SPAG16: variants seen among roughly 807,000 people sequenced by gnomAD.
The protein encoded by SPAG16 is sperm associated antigen 16, also known as sperm-associated antigen 16 protein.
Under a neutral mutation model 80.4 loss-of-function variants are expected in SPAG16, and 86 were observed. That is an observed-to-expected ratio of 1.07 (90% CI 0.90 to 1.28). The LOEUF (loss-of-function observed/expected upper bound fraction) is 1.28, where lower values mean the gene tolerates loss of function less well. Ranked by LOEUF, SPAG16 falls within the 50% of genes most tolerant of loss-of-function variation. The pLI is 0.00. For synonymous variants in SPAG16, 294 were observed against 265.9 expected (o/e 1.11, Z -1.03); for missense variants, 870 against 765.3 (o/e 1.14, Z -1.61).
intron 14 of SPAG16, among the ~76,000 whole-genome samples, chr2:214,137,843 A>T (rs1266191665): frequency 6.6e-6 from 1 of 152,178 alleles, no homozygotes; most frequent in South Asian, 2.1e-4. Context: ...CAATTACTAC[A>T]TCCACCAGTA....
intron 9 of SPAG16, chr2:213,422,135 C>T: frequency 4.3e-6 from 3 of 693,572 alleles, no homozygotes; most frequent in Non-Finnish European, 5.3e-6. Context: ...TGCCACTTTG[C>T]AGGTGATGAG....
intron 10 of SPAG16, among the ~76,000 whole-genome samples, chr2:213,704,109 C>T (rs1008131430): frequency 2.0e-5 from 3 of 152,126 alleles, no homozygotes; most frequent in Non-Finnish European, 2.9e-5. Flanking sequence ...ACTGGGCAGC[C>T]TTATCATCAG....
intron 10 of SPAG16, among the ~76,000 whole-genome samples, chr2:213,634,087 G>T (rs1159803415): frequency 2.0e-5 from 3 of 151,956 alleles, no homozygotes; most frequent in African/African-American, 7.2e-5. Flanking sequence ...GGGTTGTTTT[G>T]TGGTCTTCTC....
chr2:213,784,768 G>T (rs901148617), intron 10 of SPAG16, among the ~76,000 whole-genome samples: 1 of 151,660 alleles, frequency 6.6e-6, no homozygotes, highest in Non-Finnish European at 1.5e-5. Context: ...CCATTGTACT[G>T]GAAACTTGTG....
chr2:213,403,736 G>T (rs568024388), intron 9 of SPAG16, among the ~76,000 whole-genome samples: 1 of 152,134 alleles, frequency 6.6e-6, no homozygotes, highest in Non-Finnish European at 1.5e-5. Flanking sequence ...GAAATAAAGC[G>T]TATTCAATTA....
intron 15 of SPAG16, among the ~76,000 whole-genome samples, chr2:214,286,293 C>G (rs1693353642): frequency 6.6e-6 from 1 of 152,094 alleles, no homozygotes; most frequent in Non-Finnish European, 1.5e-5. Flanking sequence ...GTATTGTGTA[C>G]TTGAAATTTG....
chr2:214,304,162 A>G (rs1025586029), intron 15 of SPAG16, among the ~76,000 whole-genome samples: 3 of 152,202 alleles, frequency 2.0e-5, no homozygotes, highest in African/African-American at 7.2e-5. Flanking sequence ...CTCCAGCTTA[A>G]CACATATCCC....
chr2:213,672,391 A>T (rs890327538), intron 10 of SPAG16, among the ~76,000 whole-genome samples: 17 of 146,412 alleles, frequency 1.2e-4, no homozygotes, highest in Non-Finnish European at 1.5e-4. Context: ...CCCTATTTCT[A>T]TCCTTCCTTT....
chr2:213,351,184 A>C (rs897922920), intron 7 of SPAG16, among the ~76,000 whole-genome samples: 14 of 152,212 alleles, frequency 9.2e-5, no homozygotes, highest in African/African-American at 3.4e-4. Context: ...TGAGACATAA[A>C]TTTATAGCAG....
chr2:213,337,741 A>G (rs1476339680), intron 5 of SPAG16, among the ~76,000 whole-genome samples: 2 of 152,178 alleles, frequency 1.3e-5, no homozygotes, highest in East Asian at 3.8e-4. Context: ...AACCAAACCT[A>G]TGACTGATAG....
chr2:214,015,337 G>A (rs10186607), intron 13 of SPAG16, among the ~76,000 whole-genome samples: 57,575 of 151,908 alleles, frequency 0.38, 11,537 homozygotes, highest in South Asian at 0.69. Flanking sequence ...AGTGGCTCAC[G>A]CCTGTAATCC....
At chr2:213,380,479 G>A (rs2067114060) in intron 9 of SPAG16, among the ~76,000 whole-genome samples, 2 of 152,162 alleles carry the variant, frequency 1.3e-5, no homozygotes, top group Non-Finnish European at 2.9e-5. Flanking sequence ...TAACTTACTT[G>A]TGCCTTCGGG....
At chr2:213,750,068 T>C (rs2068012290) in intron 10 of SPAG16, among the ~76,000 whole-genome samples, 1 of 152,230 alleles carries the variant, frequency 6.6e-6, no homozygotes, top group Non-Finnish European at 1.5e-5. Flanking sequence ...GGAGTACTTA[T>C]TGTATCCTGG....
At chr2:213,480,669 A>G (rs1181527768) in intron 9 of SPAG16, among the ~76,000 whole-genome samples, 1 of 152,192 alleles carries the variant, frequency 6.6e-6, no homozygotes, top group African/African-American at 2.4e-5. Flanking sequence ...GTGTCATCAT[A>G]TGGCACACAC....
chr2:214,143,784 C>A (rs2055492068), intron 14 of SPAG16, among the ~76,000 whole-genome samples: 1 of 152,132 alleles, frequency 6.6e-6, no homozygotes, highest in Admixed American at 6.6e-5. Flanking sequence ...TAAATGGAAA[C>A]TTCTTTGAGA....
Position 213,837,887 on chromosome 2 carries a change from T to A in SPAG16, c.1071-24598T>A, listed in dbSNP as rs546939034. ...GAGCCAGAGAGAAACTGGAAGAAGA[T>A]GCTATGCCACTGGCTTTGAAGATGA... On this transcript the variant is annotated intron_variant, in intron 10 of 15. Coordinates refer to ENST00000331683, the MANE Select transcript of SPAG16 (RefSeq NM_024532.5). Among the ~76,000 whole-genome samples the A allele has an allele frequency of 2.6e-5, 4 of 152,220 alleles. No homozygotes were observed. In the South Asian group the frequency reaches 8.3e-4, roughly 32 times the overall value.
At chr2:213,572,816 G>T (rs1351219585) in intron 10 of SPAG16, among the ~76,000 whole-genome samples, 1 of 152,154 alleles carries the variant, frequency 6.6e-6, no homozygotes, top group African/African-American at 2.4e-5. Flanking sequence ...CCTGGGCAAT[G>T]GCGGGCGCCC....
At chr2:214,130,230 G>A (rs542030197) in intron 14 of SPAG16, among the ~76,000 whole-genome samples, 1 of 152,262 alleles carries the variant, frequency 6.6e-6, no homozygotes, top group East Asian at 1.9e-4. Flanking sequence ...TTTGAGGGTC[G>A]TGGCCACAGT....
intron 12 of SPAG16, among the ~76,000 whole-genome samples, chr2:213,949,606 C>T (rs1433819982): frequency 1.3e-5 from 2 of 152,182 alleles, no homozygotes; most frequent in Admixed American, 6.5e-5. Flanking sequence ...CTTTGGTACT[C>T]AACCTTGGTC....
Sources: allele counts gnomAD v4.1 joint callset (sites outside exome capture counted in the v4.1 genomes callset), GRCh38; gene constraint gnomAD v4.1.1; transcripts MANE v1.5; gene names NCBI Gene and HGNC (gene_info 2026-07-23, HGNC 2026-07-21).